KSR2: variants seen among roughly 807,000 people sequenced by gnomAD.
KSR2 encodes kinase suppressor of ras 2.
In KSR2, 25 loss-of-function variants were observed where a neutral mutation model predicts 107.8. The ratio of observed to expected loss-of-function variants is 0.23; its 90% confidence interval spans 0.17 to 0.32. The LOEUF is 0.32. Ranked by LOEUF, KSR2 falls within the 10% of genes least tolerant of loss-of-function variation. KSR2 has a pLI of 1.00. For missense variants in KSR2, 887 were observed against 1,268.9 expected, an observed-to-expected ratio of 0.70 and a Z score of 4.57; for synonymous variants, 480 against 507.0, an observed-to-expected ratio of 0.95 and a Z score of 0.71.
chr12:117,538,534 G>A (rs1056193157), intron 10 of KSR2, among the ~76,000 whole-genome samples: 2 of 152,078 alleles, frequency 1.3e-5, no homozygotes, highest in African/African-American at 4.8e-5. Context: ...CTGTGGCCAA[G>A]GACCTGGGAT....
intron 4 of KSR2, among the ~76,000 whole-genome samples, chr12:117,740,328 TTA>T (rs891746310): frequency 5.4e-5 from 7 of 130,814 alleles, no homozygotes; most frequent in South Asian, 2.5e-4. Context: ...CATATATACA[TTA>T]TATATATGTT....
rs942363460 is a variant in KSR2 at position 117,459,373 on chromosome 12, G to C, written c.*7826C>G. 1 of 152,086 alleles carries C rather than the reference G, an allele frequency of 6.6e-6. No individual in the cohort carries two copies. Among genetic ancestry groups the C allele is most frequent in the Non-Finnish European group, 1.5e-5 (1 of 68,024 alleles). 9.4% of individuals were successfully genotyped at this position (152,086 alleles called of 1,614,324 possible). A position where few individuals can be genotyped will look rare whatever the true frequency, so the allele number is the denominator to read the frequency against. ...TGCTTCTGTGAAAGGAGAAGAGTGA[G>C]ATAAGGGAGGGTCACTCATATCCAT... On this transcript the variant is annotated 3_prime_UTR_variant, in exon 20 of 20. Transcript: ENST00000339824.
intron 1 of KSR2, among the ~76,000 whole-genome samples, chr12:117,910,067 A>G (rs1490975986): frequency 6.6e-6 from 1 of 151,968 alleles, no homozygotes; most frequent in East Asian, 1.9e-4. Context: ...GTCTCTGCAA[A>G]AAAATAAGTA....
At chr12:117,730,280 C>T (rs1362694655) in intron 4 of KSR2, among the ~76,000 whole-genome samples, 3 of 152,142 alleles carry the variant, frequency 2.0e-5, no homozygotes, top group Non-Finnish European at 2.9e-5. Context: ...CAGTTTCATT[C>T]ACTACAACGG....
intron 1 of KSR2, among the ~76,000 whole-genome samples, chr12:117,892,522 C>T (rs77055078): frequency 0.011 from 1,730 of 152,120 alleles, 30 homozygotes; most frequent in African/African-American, 0.04. Context: ...CCCATACTGG[C>T]TTCTGGGAAA....
chr12:117,659,441 C>T (rs550583118), intron 5 of KSR2, among the ~76,000 whole-genome samples: 2 of 152,192 alleles, frequency 1.3e-5, no homozygotes, highest in South Asian at 2.1e-4. Flanking sequence ...ATACAGCTCA[C>T]GTCCGCATGC....
intron 5 of KSR2, among the ~76,000 whole-genome samples, chr12:117,643,531 A>G (rs1304128215): frequency 6.6e-6 from 1 of 152,240 alleles, no homozygotes; most frequent in Non-Finnish European, 1.5e-5. Flanking sequence ...TAACACCAAA[A>G]AAGGATGCAG....
At position 117,453,991 on chromosome 12, in the gene KSR2, T is replaced by TC. The variant is rs1870467310; in HGVS notation, c.*13207dup. 6.6e-6 allele frequency: 1 copy of TC among 152,044 alleles called. No homozygotes were observed. The highest frequency in any genetic ancestry group is 1.5e-5 in the Non-Finnish European group (1 of 67,998). 9.4% of individuals were successfully genotyped at this position (152,044 alleles called of 1,614,324 possible). A position where few individuals can be genotyped will look rare whatever the true frequency, so the allele number is the denominator to read the frequency against. On this transcript the variant is annotated 3_prime_UTR_variant, in exon 20 of 20. Coordinates refer to ENST00000339824, the MANE Select transcript of KSR2 (RefSeq NM_173598.6). Reference sequence around the variant, plus strand: ...GGGGTGTCCTTATGACACTTGGGCATCCCTCCCCATGTTCACCAGGACACA... The same window carrying TC: ...GGGGTGTCCTTATGACACTTGGGCATCCCCTCCCCATGTTCACCAGGACACA...
At chr12:117,808,239 T>C (rs543561624) in intron 3 of KSR2, among the ~76,000 whole-genome samples, 2 of 152,160 alleles carry the variant, frequency 1.3e-5, no homozygotes, top group Non-Finnish European at 2.9e-5. Flanking sequence ...CCCTTGGACC[T>C]ACCAAAGCAG....
At chr12:117,878,295 C>A (rs1158652983) in intron 1 of KSR2, among the ~76,000 whole-genome samples, 1 of 151,772 alleles carries the variant, frequency 6.6e-6, no homozygotes, top group African/African-American at 2.4e-5. Flanking sequence ...GCCAATCCGC[C>A]TAAATTCCCT....
intron 3 of KSR2, among the ~76,000 whole-genome samples, chr12:117,796,995 C>T (rs1196329621): frequency 6.6e-6 from 1 of 152,158 alleles, no homozygotes; most frequent in South Asian, 2.1e-4. Flanking sequence ...GGGAACACAA[C>T]AAAGAACAAA....
At chr12:117,665,331 G>C (rs1482824386) in intron 5 of KSR2, among the ~76,000 whole-genome samples, 1 of 152,248 alleles carries the variant, frequency 6.6e-6, no homozygotes, top group East Asian at 1.9e-4. Flanking sequence ...AGGGACGGGG[G>C]CTCAAATGTT....
intron 5 of KSR2, among the ~76,000 whole-genome samples, chr12:117,662,300 T>C (rs570983009): frequency 8.2e-4 from 125 of 152,352 alleles, no homozygotes; most frequent in African/African-American, 2.9e-3. Flanking sequence ...CCTCCCTCTC[T>C]TCTGGGGAGT....
At chr12:117,590,541 T>C (rs1017254725) in intron 5 of KSR2, among the ~76,000 whole-genome samples, 1 of 152,228 alleles carries the variant, frequency 6.6e-6, no homozygotes, top group Non-Finnish European at 1.5e-5. Context: ...AAGTGCCTGA[T>C]GTAGTATTGT....
At chr12:117,740,403 AC>A (rs201173760) in intron 4 of KSR2, among the ~76,000 whole-genome samples, 9,642 of 108,698 alleles carry the variant, frequency 0.089, 596 homozygotes, top group South Asian at 0.16. Context: ...TAATATATGT[AC>A]TATATACATA....
At chr12:117,748,011 T>C (rs1888473465) in intron 4 of KSR2, among the ~76,000 whole-genome samples, 1 of 152,246 alleles carries the variant, frequency 6.6e-6, no homozygotes, top group Non-Finnish European at 1.5e-5. Context: ...ACCATATTTA[T>C]TGCAGCATTA....
At chr12:117,900,934 A>G (rs984346430) in intron 1 of KSR2, among the ~76,000 whole-genome samples, 3 of 152,246 alleles carry the variant, frequency 2.0e-5, no homozygotes, top group Non-Finnish European at 2.9e-5. Context: ...TCCTTAGAAC[A>G]GCATGGCACG....
At chr12:117,549,522 G>T (rs1565895543) in intron 9 of KSR2, among the ~76,000 whole-genome samples, 1 of 151,064 alleles carries the variant, frequency 6.6e-6, no homozygotes, top group Non-Finnish European at 1.5e-5. Context: ...CACTCCCTGA[G>T]ACAGGGAGTA....
At chr12:117,666,162 A>G (rs1488197761) in intron 5 of KSR2, among the ~76,000 whole-genome samples, 7 of 152,166 alleles carry the variant, frequency 4.6e-5, no homozygotes, top group Non-Finnish European at 8.8e-5. Context: ...TGATGTCCAC[A>G]TGGTTCATCA....
Sources: gnomAD v4.1 joint callset for allele counts (sites outside exome capture counted in the v4.1 genomes callset) on GRCh38, gnomAD v4.1.1 for gene constraint, MANE v1.5 for transcripts, NCBI Gene and HGNC (gene_info 2026-07-23, HGNC 2026-07-21) for gene names.